Variants in GSTCD observed in about 807,000 individuals in gnomAD.
GSTCD encodes the protein glutathione S-transferase C-terminal domain containing, also known as glutathione S-transferase C-terminal domain-containing protein.
In GSTCD, 44 loss-of-function variants were observed where a neutral mutation model predicts 68.3. The ratio of observed to expected loss-of-function variants is 0.64; its 90% confidence interval spans 0.51 to 0.83. The LOEUF (loss-of-function observed/expected upper bound fraction) is 0.83, where lower values mean the gene tolerates loss of function less well. Among genes scored for constraint, GSTCD ranks in the 40% least tolerant of loss-of-function variants. The pLI is 0.00. For synonymous variants in GSTCD, 273 were observed against 255.2 expected, an observed-to-expected ratio of 1.07 and a Z score of -0.67; for missense variants, 739 against 735.9, an observed-to-expected ratio of 1.00 and a Z score of -0.05.
intron 5 of GSTCD, among the ~76,000 whole-genome samples, chr4:105,764,767 A>G (rs974802879): frequency 3.9e-5 from 6 of 152,198 alleles, no homozygotes; most frequent in Non-Finnish European, 8.8e-5. Context: ...TTTTTGGGGG[A>G]CACATTCAGT....
chr4:105,723,329 C>T (rs1355766897), intron 3 of GSTCD, among the ~76,000 whole-genome samples: 1 of 151,778 alleles, frequency 6.6e-6, no homozygotes, highest in Non-Finnish European at 1.5e-5. Context: ...TACAGATGGC[C>T]TTCCATATCC....
chr4:105,717,409 C>T lies in GSTCD; in HGVS notation c.-21-184C>T, dbSNP rs538982802. Among the ~76,000 whole-genome samples, 5 of 152,242 alleles carry T rather than the reference C, an allele frequency of 3.3e-5. No homozygotes were observed. The South Asian group carries it at 1.0e-3, about 32-fold the overall frequency. On this transcript the variant is annotated intron_variant, in intron 1 of 11. Transcript: ENST00000515279. ...TATTTCCTCTAATGCTAGTTAATTG[C>T]ACAGGGTGGAATTTTTTTCTTTTGG...
At chr4:105,761,952 G>A (rs1487607359) in intron 5 of GSTCD, 1 of 152,184 alleles carries the variant, frequency 6.6e-6, no homozygotes, top group Non-Finnish European at 1.5e-5. Context: ...GGGAGGGACT[G>A]GATATTGGTG....
intron 5 of GSTCD, among the ~76,000 whole-genome samples, chr4:105,791,595 A>G (rs569458612): frequency 3.4e-4 from 51 of 152,196 alleles, no homozygotes; most frequent in South Asian, 1.0e-3. Context: ...TCCTGTCATT[A>G]TCAGGTTATT....
intron 5 of GSTCD, among the ~76,000 whole-genome samples, chr4:105,772,219 CA>C (rs1339328176): frequency 6.6e-6 from 1 of 152,006 alleles, no homozygotes; most frequent in African/African-American, 2.4e-5. Flanking sequence ...ACTTTGTATA[CA>C]ACTTTGCTGA....
intron 5 of GSTCD, among the ~76,000 whole-genome samples, chr4:105,793,706 G>A (rs2149257230): frequency 6.6e-6 from 1 of 151,834 alleles, no homozygotes; most frequent in South Asian, 2.1e-4. Context: ...CTCACTCCCT[G>A]CCCCCACCCA....
chr4:105,800,821 G>T, intron 5 of GSTCD, among the ~76,000 whole-genome samples: 1 of 152,106 alleles, frequency 6.6e-6, no homozygotes, highest in South Asian at 2.1e-4. Flanking sequence ...GTTCTTGCAA[G>T]CCTCTGGTCC....
chr4:105,758,044 G>A (rs1560814593), intron 5 of GSTCD, among the ~76,000 whole-genome samples: 1 of 152,092 alleles, frequency 6.6e-6, no homozygotes, highest in African/African-American at 2.4e-5. Flanking sequence ...ACTTCACATG[G>A]TTATAGTGTT....
intron 5 of GSTCD, among the ~76,000 whole-genome samples, chr4:105,791,425 G>T (rs958585733): frequency 6.6e-6 from 1 of 151,480 alleles, no homozygotes; most frequent in Non-Finnish European, 1.5e-5. Context: ...AAGGAACAAG[G>T]AATGATAAGA....
At chr4:105,749,179 AAG>A (rs1287955969) in intron 5 of GSTCD, among the ~76,000 whole-genome samples, 1 of 34,026 alleles carries the variant, frequency 2.9e-5, no homozygotes, top group Non-Finnish European at 9.7e-5. Context: ...ATTAGAAAAA[AAG>A]AAACGTAAAA....
At chr4:105,724,533 A>G (rs1732969084) in intron 3 of GSTCD, among the ~76,000 whole-genome samples, 1 of 151,892 alleles carries the variant, frequency 6.6e-6, no homozygotes, top group South Asian at 2.1e-4. Context: ...TTTTAAAAAT[A>G]TGGTTCTGAA....
At chr4:105,823,099 G>C in intron 6 of GSTCD, 30 bp downstream of exon 6, 1 of 1,583,530 alleles carries the variant, frequency 6.3e-7, no homozygotes, top group Non-Finnish European at 8.7e-7. Context: ...ATCCTTTTTA[G>C]TCTTTCTAAG....
chr4:105,799,804 C>T (rs1736035238), intron 5 of GSTCD, among the ~76,000 whole-genome samples: 1 of 138,732 alleles, frequency 7.2e-6, no homozygotes, highest in Non-Finnish European at 1.5e-5. Flanking sequence ...ATAGACTTAA[C>T]ACAGCGTTGC....
At chr4:105,712,432 G>T in intron 1 of GSTCD, 1 of 152,388 alleles carries the variant, frequency 6.6e-6, no homozygotes, top group Non-Finnish European at 1.5e-5. Context: ...AGAAGGATAA[G>T]AGATGAGGTC....
At chr4:105,763,788 G>A (rs918004750) in intron 5 of GSTCD, among the ~76,000 whole-genome samples, 10 of 152,018 alleles carry the variant, frequency 6.6e-5, no homozygotes, top group African/African-American at 2.2e-4. Flanking sequence ...TTCTGAACAC[G>A]TTTCTCTCAT....
At chr4:105,730,003 T>C (rs1733174790) in intron 5 of GSTCD, among the ~76,000 whole-genome samples, 1 of 152,154 alleles carries the variant, frequency 6.6e-6, no homozygotes. Flanking sequence ...GTTTGCTTTT[T>C]CTCCTTGCGA....
chr4:105,756,963 C>G (rs1238276272), intron 5 of GSTCD, among the ~76,000 whole-genome samples: 1 of 152,096 alleles, frequency 6.6e-6, no homozygotes, highest in Non-Finnish European at 1.5e-5. Flanking sequence ...CTATGCAAAT[C>G]GCTTGTTGTG....
intron 5 of GSTCD, among the ~76,000 whole-genome samples, chr4:105,777,196 TAAGGATAG>T (rs1469624959): frequency 6.6e-6 from 1 of 152,228 alleles, no homozygotes; most frequent in Non-Finnish European, 1.5e-5. Context: ...TTCTGGCACC[TAAGGATAG>T]TGAATTGATT....
chr4:105,846,585 T>C lies in GSTCD; in HGVS notation c.*1008T>C, dbSNP rs978861049. 6.6e-6 allele frequency: 1 copy of C among 152,082 alleles called. No homozygotes were observed. Among genetic ancestry groups the C allele is most frequent in the South Asian group, 2.1e-4 (1 of 4,830 alleles). 9.4% of individuals were successfully genotyped at this position (152,082 alleles called of 1,614,324 possible). On this transcript the variant is annotated 3_prime_UTR_variant, in exon 12 of 12. Coordinates refer to ENST00000515279, the MANE Select transcript of GSTCD (RefSeq NM_001370181.1). The stretch of plus-strand genomic sequence containing the variant: ...AGACCTTGGCCTAGTTTCTTTTCAA[T>C]TCAAAGATGAGTTGCAAAAGACATA...
Sources: gnomAD v4.1 joint callset for allele counts (sites outside exome capture counted in the v4.1 genomes callset) on GRCh38, gnomAD v4.1.1 for gene constraint, MANE v1.5 for transcripts, NCBI Gene and HGNC (gene_info 2026-07-23, HGNC 2026-07-21) for gene names.